Variants in COL5A2 observed in about 807,000 individuals in gnomAD.
The protein encoded by COL5A2 is collagen alpha-2(V) chain.
Under a neutral mutation model 208.2 loss-of-function variants are expected in COL5A2, and 23 were observed. The observed-to-expected ratio is 0.11, with a 90% CI of 0.08 to 0.16. The LOEUF (loss-of-function observed/expected upper bound fraction) is 0.16, where lower values mean the gene tolerates loss of function less well. Ranked by LOEUF, COL5A2 falls within the 10% of genes least tolerant of loss-of-function variation. The probability of loss-of-function intolerance (pLI) is 1.00; values close to 1 mark genes in which losing one functional copy is unlikely to be tolerated. For missense variants in COL5A2, 1,590 were observed against 1,956.4 expected (o/e 0.81, Z 3.53); for synonymous variants, 625 against 628.5 (o/e 0.99, Z 0.08).
chr2:189,047,822 G>T (rs1342130375), intron 45 of COL5A2, among the ~76,000 whole-genome samples: 1 of 152,164 alleles, frequency 6.6e-6, no homozygotes, highest in Non-Finnish European at 1.5e-5. Flanking sequence ...AAGCCACATG[G>T]CTTATATTCT....
At chr2:189,104,668 T>C (rs1372749760) in intron 2 of COL5A2, among the ~76,000 whole-genome samples, 3 of 151,940 alleles carry the variant, frequency 2.0e-5, no homozygotes, top group African/African-American at 7.2e-5. Context: ...AGTATACAAT[T>C]ATACACTAAA....
intron 35 of COL5A2, 34 bp downstream of exon 35, chr2:189,056,939 C>G: frequency 6.2e-7 from 1 of 1,608,584 alleles, no homozygotes. Context: ...ATGTTGGTTC[C>G]TAGCCCAGCT....
chr2:189,229,822 A>G (rs1388103848), upstream of COL5A2, among the ~76,000 whole-genome samples: 2 of 151,844 alleles, frequency 1.3e-5, no homozygotes, highest in Non-Finnish European at 1.5e-5. Context: ...ACAGAAATAG[A>G]AAAAAATTCT....
At chr2:189,218,595 C>A (rs1420138454) in intron 1 of COL5A2, among the ~76,000 whole-genome samples, 1 of 152,102 alleles carries the variant, frequency 6.6e-6, no homozygotes, top group African/African-American at 2.4e-5. Context: ...ACCCAGCACC[C>A]AGGGCTGGAA....
intron 50 of COL5A2, 90 bp downstream of exon 50, chr2:189,041,496 T>C: frequency 9.6e-7 from 1 of 1,040,778 alleles, no homozygotes; most frequent in Non-Finnish European, 1.5e-6. Context: ...CTTAAGTCTC[T>C]TGTCAATCGG....
At chr2:189,342,673 A>ACACACACC in the COL5A2 span, among the ~76,000 whole-genome samples, 1 of 149,758 alleles carries the variant, frequency 6.7e-6, no homozygotes, top group Admixed American at 6.7e-5. Flanking sequence ...ACACACACAC[A>ACACACACC]CACACACAAT....
chr2:189,323,760 A>G, the COL5A2 span, among the ~76,000 whole-genome samples: 1 of 152,228 alleles, frequency 6.6e-6, no homozygotes, highest in African/African-American at 2.4e-5. Context: ...GGTAATTTAT[A>G]GATTCAATGC....
chr2:189,338,837 CCTT>C, the COL5A2 span, among the ~76,000 whole-genome samples: 3 of 151,892 alleles, frequency 2.0e-5, no homozygotes, highest in Non-Finnish European at 4.4e-5. Flanking sequence ...TCTCCTGACT[CCTT>C]AAGTGACTCA....
At chr2:189,077,271 G>T in intron 16 of COL5A2, among the ~76,000 whole-genome samples, 1 of 152,046 alleles carries the variant, frequency 6.6e-6, no homozygotes. Flanking sequence ...TTTTTAAAAA[G>T]ATATCATACA....
chr2:189,147,472 C>T (rs1163745615), intron 1 of COL5A2, among the ~76,000 whole-genome samples: 1 of 152,084 alleles, frequency 6.6e-6, no homozygotes, highest in African/African-American at 2.4e-5. Context: ...TAACTATCTT[C>T]TTAACACAAT....
At chr2:189,325,884 G>C in the COL5A2 span, among the ~76,000 whole-genome samples, 1 of 152,060 alleles carries the variant, frequency 6.6e-6, no homozygotes, top group Non-Finnish European at 1.5e-5. Context: ...ATCACTTGAG[G>C]TCAGGAATTC....
At chr2:189,396,666 T>G in the COL5A2 span, among the ~76,000 whole-genome samples, 2 of 65,482 alleles carry the variant, frequency 3.1e-5, no homozygotes, top group Non-Finnish European at 5.5e-5. Context: ...AGAGCAAGAC[T>G]CCATTAAAAA....
intron 1 of COL5A2, among the ~76,000 whole-genome samples, chr2:189,190,889 T>C (rs1688914580): frequency 6.6e-6 from 1 of 152,178 alleles, no homozygotes; most frequent in South Asian, 2.1e-4. Flanking sequence ...TACAGGATAT[T>C]GTCCTGGCCC....
intron 1 of COL5A2, among the ~76,000 whole-genome samples, chr2:189,196,060 G>A (rs1166395966): frequency 6.6e-6 from 1 of 152,034 alleles, no homozygotes; most frequent in African/African-American, 2.4e-5. Flanking sequence ...CTACCCATCT[G>A]ACAAATGTCT....
chr2:189,191,600 T>C (rs899697869), intron 1 of COL5A2, among the ~76,000 whole-genome samples: 2 of 151,950 alleles, frequency 1.3e-5, no homozygotes, highest in African/African-American at 4.8e-5. Context: ...GAGATTGCAG[T>C]GAGCCAAGAT....
At chr2:189,181,647 C>A (rs1688781863), upstream of COL5A2, among the ~76,000 whole-genome samples, 2 of 152,154 alleles carry the variant, frequency 1.3e-5, no homozygotes, top group African/African-American at 4.8e-5. Flanking sequence ...TGCAAGACGG[C>A]AGACATTTAT....
chr2:189,192,515 T>C (rs1688944138), intron 1 of COL5A2, among the ~76,000 whole-genome samples: 1 of 152,182 alleles, frequency 6.6e-6, no homozygotes, highest in South Asian at 2.1e-4. Flanking sequence ...CCAAGTATTG[T>C]TACAGGAACA....
At chr2:189,174,042 T>A (rs1688630582) in intron 1 of COL5A2, among the ~76,000 whole-genome samples, 1 of 152,216 alleles carries the variant, frequency 6.6e-6, no homozygotes. Flanking sequence ...GATGCATTAA[T>A]CATTCTTCAA....
intron 1 of COL5A2, among the ~76,000 whole-genome samples, chr2:189,167,026 G>A (rs1247157370): frequency 6.6e-6 from 1 of 152,196 alleles, no homozygotes; most frequent in Non-Finnish European, 1.5e-5. Context: ...ACACTGGAAA[G>A]GCAAGGATGG....
Sources: gnomAD v4.1 joint callset for allele counts (sites outside exome capture counted in the v4.1 genomes callset) on GRCh38, gnomAD v4.1.1 for gene constraint, MANE v1.5 for transcripts, NCBI Gene and HGNC (gene_info 2026-07-23, HGNC 2026-07-21) for gene names.